Variants in KIAA1549L observed in about 807,000 individuals in gnomAD.
KIAA1549L encodes KIAA1549 like, also known as UPF0606 protein KIAA1549L.
In KIAA1549L, 88 loss-of-function variants were observed where a neutral mutation model predicts 160.7. The ratio of observed to expected loss-of-function variants is 0.55; its 90% CI spans 0.46 to 0.65. The LOEUF (loss-of-function observed/expected upper bound fraction) is 0.65, where lower values mean the gene tolerates loss of function less well. KIAA1549L is among the 30% of genes least tolerant of loss of function. The pLI, the probability that KIAA1549L is intolerant of heterozygous loss-of-function variation, is 0.00. For synonymous variants in KIAA1549L, 950 were observed against 976.7 expected (o/e 0.97, Z 0.51); for missense variants, 2,258 against 2,437.5 (o/e 0.93, Z 1.55).
At chr11:33,474,371 G>A (rs950371626) in intron 1 of KIAA1549L, among the ~76,000 whole-genome samples, 3 of 152,120 alleles carry the variant, frequency 2.0e-5, no homozygotes, top group South Asian at 2.1e-4. Flanking sequence ...ACATTCAGTC[G>A]TACACTTTAG....
At chr11:33,463,521 T>C (rs1851984702) in intron 1 of KIAA1549L, among the ~76,000 whole-genome samples, 1 of 152,176 alleles carries the variant, frequency 6.6e-6, no homozygotes, top group Non-Finnish European at 1.5e-5. Flanking sequence ...ACCCACATGT[T>C]CTTGTACCAA....
intron 1 of KIAA1549L, among the ~76,000 whole-genome samples, chr11:33,494,346 G>C (rs1852765344): frequency 6.6e-6 from 1 of 152,278 alleles, no homozygotes; most frequent in African/African-American, 2.4e-5. Flanking sequence ...CTCATGGAAG[G>C]GGTAAGCCCA....
intron 1 of KIAA1549L, among the ~76,000 whole-genome samples, chr11:33,451,984 C>T (rs1191817313): frequency 1.3e-5 from 2 of 152,214 alleles, no homozygotes; most frequent in Non-Finnish European, 2.9e-5. Context: ...TAGCCAAGAT[C>T]ACAGAGCTGA....
chr11:33,408,360 A>G (rs187112131), intron 1 of KIAA1549L, among the ~76,000 whole-genome samples: 1 of 152,070 alleles, frequency 6.6e-6, no homozygotes, highest in African/African-American at 2.4e-5. Flanking sequence ...TTTTGGGCCT[A>G]TCATGTGGTG....
At chr11:33,517,254 A>G (rs1419268576) in intron 1 of KIAA1549L, among the ~76,000 whole-genome samples, 3 of 152,146 alleles carry the variant, frequency 2.0e-5, no homozygotes, top group Non-Finnish European at 2.9e-5. Flanking sequence ...GCATATTTCT[A>G]TTATTTCTGC....
At chr11:33,441,859 A>C (rs1851513694) in intron 1 of KIAA1549L, among the ~76,000 whole-genome samples, 1 of 152,046 alleles carries the variant, frequency 6.6e-6, no homozygotes, top group Non-Finnish European at 1.5e-5. Flanking sequence ...ATTTTCTCCC[A>C]TTCTGTAGGT....
chr11:33,407,494 A>G (rs1438615302), intron 1 of KIAA1549L, among the ~76,000 whole-genome samples: 1 of 152,012 alleles, frequency 6.6e-6, no homozygotes, highest in Admixed American at 6.5e-5. Context: ...GATTACAGGC[A>G]CGCGCCACCG....
At position 33,387,697 on chromosome 11, in the gene KIAA1549L, A is replaced by T. The variant is rs147789153; in HGVS notation, c.238+10808A>T. On this transcript the variant is annotated intron_variant, in intron 1 of 20. Coordinates refer to ENST00000658780, the MANE Select transcript of KIAA1549L (RefSeq NM_012194.3). Reference sequence around the variant, plus strand: ...GGTGAGGGAAAATTGCATTGGTTGCATTCAGGAGACTGAGGTCACCCCTGG... The same window carrying T: ...GGTGAGGGAAAATTGCATTGGTTGCTTTCAGGAGACTGAGGTCACCCCTGG... Among the ~76,000 whole-genome samples, 940 of 152,296 alleles carry T rather than the reference A, an allele frequency of 6.2e-3. 13 individuals are homozygous for T. The highest frequency in any genetic ancestry group is 0.017 in the Middle Eastern group (5 of 294).
intron 17 of KIAA1549L, among the ~76,000 whole-genome samples, chr11:33,649,633 C>T (rs946367741): frequency 6.6e-6 from 1 of 151,066 alleles, no homozygotes; most frequent in Non-Finnish European, 1.5e-5. Context: ...ATTTTATGGT[C>T]TTTTTTTCCT....
At chr11:33,549,455 AG>A (rs1422404032) in intron 4 of KIAA1549L, among the ~76,000 whole-genome samples, 2 of 152,198 alleles carry the variant, frequency 1.3e-5, no homozygotes, top group African/African-American at 4.8e-5. Context: ...GGTCATTAGA[AG>A]GGTTGAAAGG....
At chr11:33,485,104 G>T in intron 1 of KIAA1549L, among the ~76,000 whole-genome samples, 1 of 152,172 alleles carries the variant, frequency 6.6e-6, no homozygotes, top group East Asian at 1.9e-4. Context: ...TAGGACACAA[G>T]TTGGGGGGCT....
At chr11:33,404,657 AAAAC>A (rs879431383) in intron 1 of KIAA1549L, among the ~76,000 whole-genome samples, 5 of 152,226 alleles carry the variant, frequency 3.3e-5, no homozygotes, top group Admixed American at 1.3e-4. Context: ...AGATTCAGGT[AAAAC>A]AAACAAAAAC....
At chr11:33,392,983 C>T (rs1043922694) in intron 1 of KIAA1549L, among the ~76,000 whole-genome samples, 2 of 152,106 alleles carry the variant, frequency 1.3e-5, no homozygotes, top group African/African-American at 4.8e-5. Context: ...TCCTAATTGT[C>T]CCCTGTCTCT....
chr11:33,556,806 G>T (rs1196177491), intron 6 of KIAA1549L, among the ~76,000 whole-genome samples: 1 of 152,112 alleles, frequency 6.6e-6, no homozygotes, highest in Non-Finnish European at 1.5e-5. Flanking sequence ...GGTGATGGTT[G>T]TACAACAGTG....
intron 1 of KIAA1549L, among the ~76,000 whole-genome samples, chr11:33,522,573 A>G (rs1231543854): frequency 1.3e-5 from 2 of 152,154 alleles, no homozygotes; most frequent in African/African-American, 4.8e-5. Context: ...TTAACATCTT[A>G]CCTAAATTAA....
At chr11:33,645,604 A>G in intron 16 of KIAA1549L, 82 bp from the exon 17 acceptor site, 1 of 1,019,778 alleles carries the variant, frequency 9.8e-7, no homozygotes. Context: ...CACCTGTCCA[A>G]GTGAATGTTT....
rs1483469854 is a variant in KIAA1549L, at chr11:33,628,232, G to A, written c.5409+9570G>A. Among the ~76,000 whole-genome samples, 17 of 152,216 alleles carry A rather than the reference G, an allele frequency of 1.1e-4. No individual in the cohort carries two copies. In the East Asian group the frequency reaches 3.1e-3, roughly 28 times the overall value. On this transcript the variant is annotated intron_variant, in intron 16 of 20. Transcript: ENST00000658780. ...TTGTGGTCAATTTTGGAATAGGTGT[G>A]GTGTGGTGGTGAAAAAAATGTATAT...
chr11:33,628,969 AG>A (rs1851197863), intron 16 of KIAA1549L, among the ~76,000 whole-genome samples: 1 of 151,316 alleles, frequency 6.6e-6, no homozygotes, highest in Admixed American at 6.6e-5. Context: ...GAGCTCTTTT[AG>A]GGCAGGCCTG....
intron 1 of KIAA1549L, among the ~76,000 whole-genome samples, chr11:33,401,055 T>A (rs1850488563): frequency 6.6e-6 from 1 of 151,112 alleles, no homozygotes; most frequent in Non-Finnish European, 1.5e-5. Flanking sequence ...GGTCTAAGGA[T>A]GAGATGAAGC....
Sources: allele counts gnomAD v4.1 joint callset (sites outside exome capture counted in the v4.1 genomes callset), GRCh38; gene constraint gnomAD v4.1.1; transcripts MANE v1.5; gene names NCBI Gene and HGNC (gene_info 2026-07-23, HGNC 2026-07-21).